TENM2: variants seen among roughly 807,000 people sequenced by gnomAD.
TENM2 encodes the protein teneurin-2.
In TENM2, 52 loss-of-function variants were observed where a neutral mutation model predicts 245.2. The observed-to-expected ratio is 0.21, with a 90% CI of 0.17 to 0.27. The LOEUF (loss-of-function observed/expected upper bound fraction) is 0.27, where lower values mean the gene tolerates loss of function less well. Among genes scored for constraint, TENM2 ranks in the 10% least tolerant of loss-of-function variants. The pLI is 1.00. For synonymous variants in TENM2, 1,363 were observed against 1,438.9 expected (o/e 0.95, Z 1.19); for missense variants, 3,046 against 3,666.8 (o/e 0.83, Z 4.37).
intron 2 of TENM2, among the ~76,000 whole-genome samples, chr5:167,404,434 C>T (rs139036582): frequency 6.6e-6 from 1 of 152,216 alleles, no homozygotes; most frequent in Non-Finnish European, 1.5e-5. Flanking sequence ...TTGACTATCA[C>T]ATGGGTCTCA....
chr5:167,484,497 C>T (rs146138889), intron 2 of TENM2, among the ~76,000 whole-genome samples: 23 of 152,244 alleles, frequency 1.5e-4, no homozygotes, highest in Admixed American at 2.6e-4. Context: ...TCCCTCCCAG[C>T]GCTCAGGAGC....
the TENM2 span, among the ~76,000 whole-genome samples, chr5:167,115,251 CCA>C: frequency 2.0e-5 from 3 of 152,090 alleles, no homozygotes; most frequent in East Asian, 5.8e-4. Flanking sequence ...GGGCTGGTCT[CCA>C]TGTCTACAAA....
chr5:167,298,798 C>T (rs1424930903), intron 1 of TENM2, among the ~76,000 whole-genome samples: 2 of 152,100 alleles, frequency 1.3e-5, no homozygotes, highest in Non-Finnish European at 2.9e-5. Flanking sequence ...GGGGATAGCA[C>T]GAGGAGGTAT....
chr5:168,020,326 C>G (rs942926932), intron 5 of TENM2, among the ~76,000 whole-genome samples: 1 of 152,178 alleles, frequency 6.6e-6, no homozygotes, highest in African/African-American at 2.4e-5. Context: ...ACCCTTAGAC[C>G]TCAAGCGAAG....
chr5:167,026,357 T>C, the TENM2 span, among the ~76,000 whole-genome samples: 1 of 152,248 alleles, frequency 6.6e-6, no homozygotes, highest in African/African-American at 2.4e-5. Context: ...TTCCACATAG[T>C]GGTAATCTGC....
intron 2 of TENM2, among the ~76,000 whole-genome samples, chr5:167,445,324 T>C (rs1287965077): frequency 2.8e-5 from 1 of 35,300 alleles, no homozygotes; most frequent in Non-Finnish European, 4.6e-5. Flanking sequence ...TATATATATA[T>C]ATATATATAT....
chr5:167,911,370 C>CAAA (rs35548468), intron 3 of TENM2, among the ~76,000 whole-genome samples: 1 of 151,508 alleles, frequency 6.6e-6, no homozygotes. Context: ...ACTAAAAATA[C>CAAA]AAAAAAAATA....
At position 167,865,541 on chromosome 5, in the gene TENM2, T is replaced by C. The variant is rs1275879908; in HGVS notation, c.503-10445T>C. Among the ~76,000 whole-genome samples, 5 of 152,204 alleles carry C rather than the reference T, an allele frequency of 3.3e-5. No individual in the cohort carries two copies. The East Asian group carries it at 9.6e-4, about 29-fold the overall frequency. ...CTCCTGCCTTGGCCTCCCAAAGTGCTGGGATTACAGTCGTGAGCCAGCATG... is the reference window on the plus strand; with the variant it reads ...CTCCTGCCTTGGCCTCCCAAAGTGCCGGGATTACAGTCGTGAGCCAGCATG... On this transcript the variant is annotated intron_variant, in intron 2 of 28. Transcript: ENST00000518659.
At chr5:167,213,541 C>A in the TENM2 span, among the ~76,000 whole-genome samples, 1 of 152,136 alleles carries the variant, frequency 6.6e-6, no homozygotes, top group Admixed American at 6.6e-5. Context: ...CGTATGAAGG[C>A]AGAGGGCATA....
intron 4 of TENM2, among the ~76,000 whole-genome samples, chr5:167,963,726 C>G (rs962595654): frequency 3.3e-5 from 5 of 152,262 alleles, no homozygotes; most frequent in African/African-American, 9.6e-5. Context: ...CTCTGCATTG[C>G]TCTCTTGATG....
chr5:167,001,554 AAAC>A, the TENM2 span, among the ~76,000 whole-genome samples: 1 of 152,150 alleles, frequency 6.6e-6, no homozygotes, highest in South Asian at 2.1e-4. Context: ...AAAAAAAAAA[AAAC>A]ATTAACAGTA....
intron 4 of TENM2, among the ~76,000 whole-genome samples, chr5:167,960,166 G>A (rs143683688): frequency 0.019 from 2,834 of 152,296 alleles, 33 homozygotes; most frequent in Middle Eastern, 0.031. Context: ...CAGGAGGCAC[G>A]GGGGTTAGGG....
At chr5:168,019,629 G>A (rs1785967166) in intron 5 of TENM2, among the ~76,000 whole-genome samples, 1 of 152,202 alleles carries the variant, frequency 6.6e-6, no homozygotes, top group Non-Finnish European at 1.5e-5. Flanking sequence ...GGGGTAGAGG[G>A]TAAAAGAAAG....
Position 168,218,587 on chromosome 5 carries a change from C to T in TENM2, c.4696C>T (p.Arg1566Trp), listed in dbSNP as rs1381467612. The stretch of plus-strand genomic sequence containing the variant: ...TTACATTGCAGACCTTGGAAATATT[C>T]GGATCAGGGCGGTCAGCAAGAACAA... The change falls in exon 23 of 29, where the codon CGG becomes TGG. Residue 1566 changes from arginine (R) to tryptophan (W), a missense_variant. Physicochemically the swap from Arg to Trp is moderately radical, Grantham distance 101. Around this residue, in one of 2 missense-constraint regions of TENM2, gnomAD observed 2,704 missense variants for 3,331.9 expected, o/e 0.81. Transcript: ENST00000518659. This position sits in a 1 kb window ranked among gnomAD's most constrained non-coding sequence, Gnocchi z 5.2. The T allele has an allele frequency of 1.9e-6, 3 of 1,613,968 alleles. No individual in the cohort carries two copies. Among genetic ancestry groups the T allele is most frequent in the Non-Finnish European group, 8.5e-7 (1 of 1,179,888 alleles).
chr5:167,080,625 CAAAT>C, the TENM2 span, among the ~76,000 whole-genome samples: 1 of 151,778 alleles, frequency 6.6e-6, no homozygotes, highest in Admixed American at 6.6e-5. Context: ...AATAAATAAA[CAAAT>C]GAATGCATAA....
rs376900636 is a variant in TENM2 at position 168,247,595 on chromosome 5, G to A, written c.6656G>A (p.Arg2219His). Residue 2219 changes from arginine (R) to histidine (H), a missense_variant, in exon 27 of 29, where the codon CGC becomes CAC. By Grantham distance (29) the Arg-to-His change is conservative. Around this residue, in one of 2 missense-constraint regions of TENM2, gnomAD observed 2,704 missense variants for 3,331.9 expected, o/e 0.81. Coordinates refer to ENST00000518659, the Ensembl canonical transcript of TENM2. The surrounding 1 kb of genome is among the most constrained non-coding windows in gnomAD (Gnocchi z 7.8). ...CTCCAGAGCGTGGCCGTCAATGACC[G>A]CCCGACCTGGCGCTACAGCTATGAC... 82 of 1,612,976 alleles carry A rather than the reference G, an allele frequency of 5.1e-5. No individual in the cohort carries two copies. The highest frequency in any genetic ancestry group is 3.1e-4 in the East Asian group (14 of 44,864).
At chr5:167,490,356 A>T (rs1399262009) in intron 2 of TENM2, among the ~76,000 whole-genome samples, 1 of 152,072 alleles carries the variant, frequency 6.6e-6, no homozygotes, top group African/African-American at 2.4e-5. Flanking sequence ...TAATCTTTGT[A>T]CATTTCTCAA....
chr5:168,197,860 G>T (rs974095356), intron 15 of TENM2, among the ~76,000 whole-genome samples: 1 of 152,070 alleles, frequency 6.6e-6, no homozygotes, highest in South Asian at 2.1e-4. Context: ...CTTAAGAAAC[G>T]AACAGAAATA....
At chr5:167,062,742 A>G in the TENM2 span, among the ~76,000 whole-genome samples, 106 of 152,308 alleles carry the variant, frequency 7.0e-4, 1 homozygote, top group African/African-American at 2.4e-3. Context: ...TCACATAGCA[A>G]TAAGTGAGAT....
Sources: gnomAD v4.1 joint callset for allele counts (sites outside exome capture counted in the v4.1 genomes callset) on GRCh38, gnomAD v4.1.1 for gene constraint, gnomAD v4.1.1 regional missense constraint, Gnocchi (gnomAD v3.1) non-coding constraint, MANE v1.5 for transcripts, NCBI Gene and HGNC (gene_info 2026-07-23, HGNC 2026-07-21) for gene names.